RORA: variants seen among roughly 807,000 people sequenced by gnomAD.
RORA encodes RAR related orphan receptor A.
RORA carries 7 observed loss-of-function variants against 69.5 expected under a neutral mutation model. The observed-to-expected ratio is 0.10, with a 90% CI of 0.06 to 0.19. The LOEUF (loss-of-function observed/expected upper bound fraction) is 0.19. Among genes scored for constraint, RORA ranks in the 10% least tolerant of loss-of-function variants. The pLI is 1.00. For missense variants in RORA, 457 were observed against 663.0 expected, an observed-to-expected ratio of 0.69 and a Z score of 3.41; for synonymous variants, 261 against 240.8, an observed-to-expected ratio of 1.08 and a Z score of -0.78.
intron 1 of RORA, among the ~76,000 whole-genome samples, chr15:60,788,965 T>C (rs953808673): frequency 6.6e-6 from 1 of 152,198 alleles, no homozygotes. Flanking sequence ...TTAATTTACA[T>C]ACTGACAGAC....
chr15:60,515,959 A>ATATATATT (rs2065869460), intron 3 of RORA, among the ~76,000 whole-genome samples: 1 of 31,182 alleles, frequency 3.2e-5, no homozygotes, highest in Non-Finnish European at 5.3e-5. Flanking sequence ...TTATATATTT[A>ATATATATT]TATTTATATA....
chr15:61,136,388 T>G (rs1372018789), intron 1 of RORA, among the ~76,000 whole-genome samples: 1 of 152,216 alleles, frequency 6.6e-6, no homozygotes, highest in Non-Finnish European at 1.5e-5. Flanking sequence ...GTGCTGAAGT[T>G]CATAGTTAAA....
rs1303835540 is a variant in RORA, at chr15:60,490,411, C to T, written c.*7044G>A. On this transcript the variant is annotated 3_prime_UTR_variant, in exon 11 of 11. Coordinates refer to ENST00000335670, the MANE Select transcript of RORA (RefSeq NM_134261.3). This position sits in a 1 kb window ranked among gnomAD's most constrained non-coding sequence, Gnocchi z 4.1. ...GATTTGATAAACAGATAAATATTTG[C>T]ACTGAGTAGGCTGTTTATAATATAA... The T allele has an allele frequency of 6.6e-6, 1 of 152,010 alleles. No homozygotes were observed. The highest frequency in any genetic ancestry group is 1.5e-5 in the Non-Finnish European group (1 of 67,954). 9.4% of individuals were successfully genotyped at this position (152,010 alleles called of 1,614,324 possible). A position where few individuals can be genotyped will look rare whatever the true frequency, so the allele number is the denominator to read the frequency against.
rs1422568758 is a variant in RORA, at chr15:60,528,726, T to A, written c.282+3040A>T. Reference sequence around the variant, plus strand: ...GACAATGATAACAACAGCTAACACTTAGTAAGTGCTTGTGATGCATCTGGC... The same window carrying A: ...GACAATGATAACAACAGCTAACACTAAGTAAGTGCTTGTGATGCATCTGGC... On this transcript the variant is annotated intron_variant, in intron 3 of 10. Transcript: ENST00000335670. The A allele has an allele frequency of 2.6e-5, 4 of 152,166 alleles. No individual in the cohort carries two copies. In the East Asian group the frequency reaches 7.7e-4, roughly 29 times the overall value. 9.4% of individuals were successfully genotyped at this position (152,166 alleles called of 1,614,324 possible).
intron 2 of RORA, chr15:60,558,014 A>T: frequency 2.7e-6 from 1 of 374,752 alleles, no homozygotes; most frequent in Non-Finnish European, 4.7e-6. Flanking sequence ...AGAAATTTGG[A>T]GAGCAGGATG....
intron 2 of RORA, among the ~76,000 whole-genome samples, chr15:60,611,558 G>GAAAAAAAAAAAAA (rs1567122905): frequency 1.2e-3 from 3 of 2,456 alleles, no homozygotes; most frequent in Non-Finnish European, 2.2e-3. Context: ...CTTGAGTTTT[G>GAAAAAAAAAAAAA]CAAAAAAAAA....
chr15:61,204,078 G>A (rs941367036), intron 1 of RORA, among the ~76,000 whole-genome samples: 1 of 152,222 alleles, frequency 6.6e-6, no homozygotes, highest in African/African-American at 2.4e-5. Flanking sequence ...TCAACACTGT[G>A]AATTCAGGTG....
At position 60,653,328 on chromosome 15, in the gene RORA, T is replaced by C. The variant is rs532698268; in HGVS notation, c.196+25329A>G. Among the ~76,000 whole-genome samples, 183 of 148,026 alleles carry C rather than the reference T, an allele frequency of 1.2e-3. 1 individual carries two copies. The highest frequency in any genetic ancestry group is 6.9e-3 in the Middle Eastern group (2 of 288). ...GTGTGTGTGTGTGTGTGTGTGTGTG[T>C]GCGTATTTGAACATGTTCAGGTCAT... On this transcript the variant is annotated intron_variant, in intron 2 of 10. Coordinates refer to ENST00000335670, the MANE Select transcript of RORA (RefSeq NM_134261.3).
chr15:60,692,455 A>G (rs1308744834), intron 1 of RORA, among the ~76,000 whole-genome samples: 6 of 152,238 alleles, frequency 3.9e-5, no homozygotes. Context: ...AGAAAACAGA[A>G]CACAATAGCA....
At chr15:60,772,008 C>A (rs1253200387) in intron 1 of RORA, among the ~76,000 whole-genome samples, 1 of 152,182 alleles carries the variant, frequency 6.6e-6, no homozygotes, top group East Asian at 1.9e-4. Flanking sequence ...AACAAATTTT[C>A]AAATCATGGC....
At chr15:60,504,992 G>T (rs956364194) in intron 6 of RORA, among the ~76,000 whole-genome samples, 23 of 152,156 alleles carry the variant, frequency 1.5e-4, no homozygotes, top group Non-Finnish European at 3.1e-4. Flanking sequence ...GTTGATCTGG[G>T]TGTTTTACAG....
chr15:61,013,779 CTTTTTT>C (rs3053960), intron 1 of RORA, among the ~76,000 whole-genome samples: 2 of 70,934 alleles, frequency 2.8e-5, no homozygotes, highest in South Asian at 7.2e-4. Context: ...ACTGGGTTGG[CTTTTTT>C]TTTTTTTTTT....
At chr15:60,783,808 G>A (rs1432119513) in intron 1 of RORA, among the ~76,000 whole-genome samples, 4 of 152,170 alleles carry the variant, frequency 2.6e-5, no homozygotes, top group Non-Finnish European at 5.9e-5. Flanking sequence ...AACTTTAAAT[G>A]CCAGGGTTTC....
chr15:60,597,315 G>C (rs1243345496), intron 2 of RORA, among the ~76,000 whole-genome samples: 2 of 151,224 alleles, frequency 1.3e-5, no homozygotes, highest in African/African-American at 4.9e-5. Flanking sequence ...CCACAATAAG[G>C]AAAAGGGTAA....
intron 1 of RORA, among the ~76,000 whole-genome samples, chr15:61,145,648 T>C (rs1355382403): frequency 6.6e-6 from 1 of 152,232 alleles, no homozygotes; most frequent in Non-Finnish European, 1.5e-5. Context: ...CCTGTCTTCA[T>C]CTTTCTGTTA....
At chr15:60,961,382 T>A (rs1283400617) in intron 1 of RORA, among the ~76,000 whole-genome samples, 2 of 152,178 alleles carry the variant, frequency 1.3e-5, no homozygotes, top group African/African-American at 2.4e-5. Context: ...AGCCTCAATC[T>A]TCCCACCTGA....
chr15:61,094,954 A>T (rs1339522347), intron 1 of RORA, among the ~76,000 whole-genome samples: 2 of 152,250 alleles, frequency 1.3e-5, no homozygotes, highest in African/African-American at 4.8e-5. Context: ...GATTCCAGGA[A>T]AAAAGCACTG....
chr15:60,824,699 T>C (rs573245465), intron 1 of RORA, among the ~76,000 whole-genome samples: 9 of 152,216 alleles, frequency 5.9e-5, no homozygotes, highest in Non-Finnish European at 1.3e-4. Context: ...ATTGTTGCTG[T>C]GAAGATTAAG....
intron 1 of RORA, among the ~76,000 whole-genome samples, chr15:61,215,530 A>T (rs542555252): frequency 6.6e-6 from 1 of 152,358 alleles, no homozygotes; most frequent in African/African-American, 2.4e-5. Flanking sequence ...TTGACTTGTC[A>T]TAATTAATAT....
Sources: allele counts gnomAD v4.1 joint callset (sites outside exome capture counted in the v4.1 genomes callset), GRCh38; gene constraint gnomAD v4.1.1; non-coding constraint Gnocchi (gnomAD v3.1); transcripts MANE v1.5; gene names NCBI Gene and HGNC (gene_info 2026-07-23, HGNC 2026-07-21).